Variants in MYO16 observed in about 807,000 individuals in gnomAD.
The protein encoded by MYO16 is myosin XVI, also known as unconventional myosin-XVI.
In MYO16, 94 loss-of-function variants were observed where a neutral mutation model predicts 205.3. That is an observed-to-expected ratio of 0.46 (90% CI 0.39 to 0.54). The LOEUF (loss-of-function observed/expected upper bound fraction) is 0.54, where lower values mean the gene tolerates loss of function less well. Among genes scored for constraint, MYO16 ranks in the 20% least tolerant of loss-of-function variants. The probability of loss-of-function intolerance (pLI) is 0.00; values close to 1 mark genes in which losing one functional copy is unlikely to be tolerated. For missense variants in MYO16, 2,315 were observed against 2,387.5 expected, an observed-to-expected ratio of 0.97 and a Z score of 0.63; for synonymous variants, 988 against 954.0, an observed-to-expected ratio of 1.04 and a Z score of -0.66.
At chr13:108,648,030 T>A (rs1326937243) in intron 1 of MYO16, among the ~76,000 whole-genome samples, 1 of 152,176 alleles carries the variant, frequency 6.6e-6, no homozygotes, top group Non-Finnish European at 1.5e-5. Flanking sequence ...TTATGGTCTA[T>A]AGGGCAGAGG....
chr13:109,014,937 A>G (rs559551957), intron 22 of MYO16, among the ~76,000 whole-genome samples: 4 of 152,256 alleles, frequency 2.6e-5, no homozygotes, highest in South Asian at 2.1e-4. Flanking sequence ...CTCTTTTCCT[A>G]ATTGAATATC....
At chr13:108,594,446 C>A (rs918886215), upstream of MYO16, among the ~76,000 whole-genome samples, 1 of 152,182 alleles carries the variant, frequency 6.6e-6, no homozygotes, top group Non-Finnish European at 1.5e-5. Context: ...ACAATGCCTG[C>A]TTCCCTCATT....
At position 109,146,853 on chromosome 13, in the gene MYO16, AAAAG is replaced by A. The variant is rs987237855; in HGVS notation, c.5164+5483_5164+5486del. 4.6e-5 allele frequency among the ~76,000 whole-genome samples: 7 copies of A among 152,038 alleles called. No homozygotes were observed. The South Asian group carries it at 1.5e-3, about 32-fold the overall frequency. ...AGAGAAAGAGAAAAAGAGAAAGAAA[AAAAG>A]AAAGAGAAAAAAGAAAACCAATGTC... On this transcript the variant is annotated intron_variant, in intron 32 of 34. Transcript: ENST00000457511.
chr13:108,675,360 G>A (rs1296177635), intron 2 of MYO16, among the ~76,000 whole-genome samples: 1 of 152,132 alleles, frequency 6.6e-6, no homozygotes, highest in East Asian at 1.9e-4. Context: ...CAGCTGCTAG[G>A]TAATTAAAGA....
intron 27 of MYO16, among the ~76,000 whole-genome samples, chr13:109,070,612 G>C (rs1328611159): frequency 6.6e-6 from 1 of 152,056 alleles, no homozygotes; most frequent in South Asian, 2.1e-4. Context: ...TTTGACATTG[G>C]GTGGGTTAAT....
the MYO16 span, among the ~76,000 whole-genome samples, chr13:108,582,948 T>C: frequency 1.3e-5 from 2 of 152,210 alleles, no homozygotes; most frequent in African/African-American, 4.8e-5. Context: ...CAATTTAAAG[T>C]CACAAAATTG....
intron 7 of MYO16, among the ~76,000 whole-genome samples, chr13:108,812,298 C>T (rs1887318462): frequency 2.0e-5 from 3 of 152,154 alleles, no homozygotes; most frequent in African/African-American, 7.2e-5. Context: ...TCTGTATCAC[C>T]TTTTAGTCTG....
chr13:108,666,855 T>C (rs1016302556), intron 2 of MYO16, among the ~76,000 whole-genome samples: 5 of 152,210 alleles, frequency 3.3e-5, no homozygotes, highest in Non-Finnish European at 5.9e-5. Flanking sequence ...TTTTCCTATA[T>C]AGAACCCACT....
At chr13:108,691,650 G>A (rs1266735297) in intron 2 of MYO16, among the ~76,000 whole-genome samples, 4 of 152,048 alleles carry the variant, frequency 2.6e-5, no homozygotes, top group African/African-American at 7.2e-5. Flanking sequence ...CGAGCCTCCC[G>A]CCTCAGCCTC....
In MYO16 at chr13:109,127,622, A is replaced by G; in HGVS notation, c.4051+72A>G. The stretch of plus-strand genomic sequence containing the variant: ...GCTCTGACTTCGCCTTGGGGCGCCC[A>G]TGGCAGTACTGTCGCCCTAATGTAT... On this transcript the variant is annotated intron_variant, in intron 31 of 34. Coordinates refer to ENST00000457511, the MANE Select transcript of MYO16 (RefSeq NM_001198950.3). This position sits in a 1 kb window ranked among gnomAD's most constrained non-coding sequence, Gnocchi z 4.2. The G allele has an allele frequency of 6.7e-7, 1 of 1,500,290 alleles. No homozygotes were observed. The highest frequency in any genetic ancestry group is 9.0e-7 in the Non-Finnish European group (1 of 1,105,108). 92.9% of individuals were successfully genotyped at this position (1,500,290 alleles called of 1,614,324 possible).
chr13:109,045,932 A>G (rs764559905), intron 23 of MYO16, among the ~76,000 whole-genome samples: 2 of 152,050 alleles, frequency 1.3e-5, no homozygotes, highest in African/African-American at 2.4e-5. Context: ...GTCCACAGGC[A>G]TAACTCTTAT....
chr13:109,095,713 A>G, intron 27 of MYO16, among the ~76,000 whole-genome samples: 1 of 152,206 alleles, frequency 6.6e-6, no homozygotes, highest in Non-Finnish European at 1.5e-5. Context: ...AGAATGAGAC[A>G]ATTATGAGAG....
chr13:108,997,382 GA>G (rs1885058241), intron 21 of MYO16, among the ~76,000 whole-genome samples: 1 of 65,112 alleles, frequency 1.5e-5, no homozygotes, highest in African/African-American at 5.9e-5. Flanking sequence ...GAGAGAGAGA[GA>G]GAGAGAGGGA....
chr13:108,988,910 T>C (rs1884728959), intron 20 of MYO16, among the ~76,000 whole-genome samples: 1 of 152,136 alleles, frequency 6.6e-6, no homozygotes, highest in Non-Finnish European at 1.5e-5. Flanking sequence ...TTTCTCCTTA[T>C]TCCTGAAGTT....
At chr13:108,763,410 G>A (rs732974) in intron 4 of MYO16, among the ~76,000 whole-genome samples, 62,490 of 152,074 alleles carry the variant, frequency 0.41, 13,999 homozygotes, top group East Asian at 0.63. Context: ...TGTAGAGTAA[G>A]ATTGCAGGGG....
At chr13:108,834,238 G>C (rs530443030) in intron 9 of MYO16, among the ~76,000 whole-genome samples, 2 of 152,234 alleles carry the variant, frequency 1.3e-5, no homozygotes, top group African/African-American at 4.8e-5. Flanking sequence ...CACTTTAGGA[G>C]GGACTTTCAT....
intron 12 of MYO16, among the ~76,000 whole-genome samples, chr13:108,872,261 G>A (rs7326563): frequency 0.031 from 4,733 of 152,236 alleles, 212 homozygotes; most frequent in African/African-American, 0.11. Flanking sequence ...GTTAAAAAAT[G>A]ACTCTTATTT....
rs750034879 is a variant in MYO16 at position 109,127,338 on chromosome 13, C to T, written c.3839C>T (p.Ala1280Val). 5.0e-6 allele frequency: 8 copies of T among 1,611,668 alleles called. No individual in the cohort carries two copies. The Admixed American group carries it at 8.3e-5, about 17-fold the overall frequency. ...HFHPSSMSVC[A>V]AVDGLGQCLV... ...CACCCCAGCTCCATGTCAGTCTGCGCGGCCGTGGATGGCCTGGGCCAGTGC... is the reference window on the plus strand; with the variant it reads ...CACCCCAGCTCCATGTCAGTCTGCGTGGCCGTGGATGGCCTGGGCCAGTGC... Residue 1280 changes from alanine (A) to valine (V), a missense_variant, in exon 31 of 35, where the codon GCG becomes GTG. This residue lies in a region of MYO16 where 1,097 missense variants were observed against 1,092.0 expected (regional missense o/e 1.00). Coordinates refer to ENST00000457511, the MANE Select transcript of MYO16 (RefSeq NM_001198950.3). This position sits in a 1 kb window ranked among gnomAD's most constrained non-coding sequence, Gnocchi z 4.2.
intron 1 of MYO16, among the ~76,000 whole-genome samples, chr13:108,663,716 G>A (rs553789535): frequency 3.3e-5 from 5 of 152,294 alleles, no homozygotes; most frequent in Admixed American, 1.3e-4. Flanking sequence ...ACCAAGAGAC[G>A]CTTCTTAAGA....
Sources: gnomAD v4.1 joint callset for allele counts (sites outside exome capture counted in the v4.1 genomes callset) on GRCh38, gnomAD v4.1.1 for gene constraint, gnomAD v4.1.1 regional missense constraint, Gnocchi (gnomAD v3.1) non-coding constraint, MANE v1.5 for transcripts, NCBI Gene and HGNC (gene_info 2026-07-23, HGNC 2026-07-21) for gene names.